Variants in HFE observed in about 807,000 individuals in gnomAD.
HFE encodes hereditary hemochromatosis protein.
HFE carries 36 observed loss-of-function variants against 40.9 expected under a neutral mutation model. The observed-to-expected ratio is 0.88, with a 90% CI of 0.67 to 1.16. The LOEUF is 1.16. HFE is among the 50% of genes most tolerant of loss of function. The pLI is 0.00. For missense variants in HFE, 376 were observed against 432.0 expected, an observed-to-expected ratio of 0.87 and a Z score of 1.15; for synonymous variants, 157 against 165.4, an observed-to-expected ratio of 0.95 and a Z score of 0.39.
Position 26,096,495 on chromosome 6 carries a change from A to C in HFE, c.*2269A>C, listed in dbSNP as rs1244292376. The C allele has an allele frequency of 4.4e-6, 2 of 456,512 alleles. No homozygotes were observed. The highest frequency in any genetic ancestry group is 3.1e-5 in the South Asian group (2 of 64,562). The allele number at this position is 456,512 out of a possible 1,614,324, so 28.3% of individuals were successfully genotyped here. A position where few individuals can be genotyped will look rare whatever the true frequency, so the allele number is the denominator to read the frequency against. ...GTGTTTACTTTATGTTACTACATGC[A>C]CTTGGCTGCATAAATGTGGTACAAG... On this transcript the variant is annotated 3_prime_UTR_variant, in exon 6 of 6. Coordinates refer to ENST00000357618, the MANE Select transcript of HFE (RefSeq NM_000410.4).
intron 5 of HFE, among the ~76,000 whole-genome samples, chr6:26,093,563 C>G (rs959526897): frequency 6.6e-6 from 1 of 151,984 alleles, no homozygotes; most frequent in Non-Finnish European, 1.5e-5. Context: ...AAAGAAGACC[C>G]CATGAGGTCC....
At chr6:26,089,763 C>CA (rs1304050613) in intron 1 of HFE, among the ~76,000 whole-genome samples, 3 of 151,920 alleles carry the variant, frequency 2.0e-5, no homozygotes, top group African/African-American at 7.3e-5. Context: ...CCCTTCTCTA[C>CA]AAAAAATACA....
At position 26,096,591 on chromosome 6, in the gene HFE, A is replaced by G. The variant is rs1222111005; in HGVS notation, c.*2365A>G. On this transcript the variant is annotated 3_prime_UTR_variant, in exon 6 of 6. Transcript: ENST00000357618. ...CAGAAGTTTCTTCTTTAGGCATTAA[A>G]TTTTAGCAAAGATATCTCATCTCTT... is the stretch of plus-strand genomic sequence containing the variant. 4 of 456,116 alleles carry G rather than the reference A, an allele frequency of 8.8e-6. No homozygotes were observed. In the East Asian group the frequency reaches 2.8e-4, roughly 32 times the overall value. 28.3% of individuals were successfully genotyped at this position (456,116 alleles called of 1,614,324 possible).
At chr6:26,092,353 A>T (rs1337307974) in intron 3 of HFE, among the ~76,000 whole-genome samples, 1 of 152,100 alleles carries the variant, frequency 6.6e-6, no homozygotes, top group Non-Finnish European at 1.5e-5. Context: ...GCTTCTTATA[A>T]CAATGCCTCC....
At chr6:26,093,384 G>T in intron 5 of HFE, 152 bp downstream of exon 5, 1 of 673,384 alleles carries the variant, frequency 1.5e-6, no homozygotes, top group Admixed American at 2.4e-5. Context: ...GAAAATAATG[G>T]TTCTCCCCAG....
At position 26,096,667 on chromosome 6, in the gene HFE, G is replaced by C; in HGVS notation, c.*2441G>C. 1 of 439,482 alleles carries C rather than the reference G, an allele frequency of 2.3e-6. No homozygotes were observed. The highest frequency in any genetic ancestry group is 4.5e-6 in the Non-Finnish European group (1 of 222,458). 27.2% of individuals were successfully genotyped at this position (439,482 alleles called of 1,614,324 possible). ...GGTTAGAAAAGTTATGTAGAAAAAA[G>C]TAAATGTGATTTACGCTCATTGTAG... On this transcript the variant is annotated 3_prime_UTR_variant, in exon 6 of 6. Transcript: ENST00000357618.
At position 26,090,827 on chromosome 6, in the gene HFE, TG is replaced by T; in HGVS notation, c.77-13del. 1.9e-6 allele frequency: 3 copies of T among 1,613,146 alleles called. No homozygotes were observed. The highest frequency in any genetic ancestry group is 2.5e-6 in the Non-Finnish European group (3 of 1,179,954). On this transcript the variant is annotated splice_polypyrimidine_tract_variant and intron_variant, in intron 1 of 5. Coordinates refer to ENST00000357618, the MANE Select transcript of HFE (RefSeq NM_000410.4). ...CCTACTACACATGGTTAAGGCCTGT[TG>T]CTCTGTCTCCAGGTTCACACTCTCT...
Position 26,092,778 on chromosome 6 carries a change from T to A in HFE, c.710T>A (p.Met237Lys), listed in dbSNP as rs1315737398. ...AACTACTACCCCCAGAACATCACCATGAAGTGGCTGAAGGATAAGCAGCCA... is the reference window on the plus strand; with the variant it reads ...AACTACTACCCCCAGAACATCACCAAGAAGTGGCTGAAGGATAAGCAGCCA... ...ALNYYPQNITMKWLKDKQPMD... is the reference protein window; with the variant it reads ...ALNYYPQNITKKWLKDKQPMD... Residue 237 changes from methionine (M) to lysine (K), a missense_variant, in exon 4 of 6, where the codon ATG becomes AAG. By Grantham distance (95) the Met-to-Lys change is moderately conservative (BLOSUM62 -1). Transcript: ENST00000357618. 1.2e-6 allele frequency: 2 copies of A among 1,614,174 alleles called. No homozygotes were observed. The highest frequency in any genetic ancestry group is 1.7e-6 in the Non-Finnish European group (2 of 1,180,028).
intron 1 of HFE, among the ~76,000 whole-genome samples, chr6:26,090,030 G>C (rs886153681): frequency 2.6e-5 from 4 of 152,102 alleles, no homozygotes; most frequent in Non-Finnish European, 4.4e-5. Flanking sequence ...TTTCTGAGAT[G>C]GTGAAGGCAG....
chr6:26,089,197 G>C (rs963071625), intron 1 of HFE, among the ~76,000 whole-genome samples: 3 of 151,920 alleles, frequency 2.0e-5, no homozygotes, highest in African/African-American at 7.3e-5. Context: ...TACTCACTAG[G>C]TGCTAGGAGC....
intron 5 of HFE, 133 bp downstream of exon 5, chr6:26,093,365 T>A (rs1193724881): frequency 1.4e-6 from 1 of 699,722 alleles, no homozygotes; most frequent in Non-Finnish European, 2.6e-6. Flanking sequence ...AGCAGCTCCC[T>A]GGGAGACAGA....
Position 26,092,703 on chromosome 6 carries a change from T to TTGG in HFE, c.635_636insTGG (p.Val212_Thr213insGly). 1.9e-6 allele frequency: 3 copies of TTGG among 1,614,142 alleles called. No homozygotes were observed. The highest frequency in any genetic ancestry group is 2.5e-6 in the Non-Finnish European group (3 of 1,179,974). ...TGTCAAGTGCCTCCTTTGGTGAAGGTGACACATCATGTGACCTCTTCAGTG... is the reference window on the plus strand; with the variant it reads ...TGTCAAGTGCCTCCTTTGGTGAAGGTTGGGACACATCATGTGACCTCTTCAGTG... On this transcript the variant is annotated inframe_insertion, in exon 4 of 6. Transcript: ENST00000357618.
At chr6:26,088,386 T>C (rs1762433740) in intron 1 of HFE, among the ~76,000 whole-genome samples, 1 of 152,234 alleles carries the variant, frequency 6.6e-6, no homozygotes, top group Non-Finnish European at 1.5e-5. Context: ...ACGTTTATTT[T>C]ACTAGAAGTT....
Position 26,094,251 on chromosome 6 carries a change from GGAA to G in HFE, c.*27_*29del. The G allele has an allele frequency of 1.2e-6, 2 of 1,611,724 alleles. No homozygotes were observed. The highest frequency in any genetic ancestry group is 1.7e-6 in the Non-Finnish European group (2 of 1,177,926). ...ACACGCAGCCTGCAGACTCACTGTG[GGAA>G]GGAGACAAAACTAGAGACTCAAAGA... On this transcript the variant is annotated 3_prime_UTR_variant, in exon 6 of 6. Coordinates refer to ENST00000357618, the MANE Select transcript of HFE (RefSeq NM_000410.4).
chr6:26,095,820 G>T lies in HFE; in HGVS notation c.*1594G>T, dbSNP rs895814871. On this transcript the variant is annotated 3_prime_UTR_variant, in exon 6 of 6. Transcript: ENST00000357618. ...TGGAATGTGACTCCCTTGCTCCTCTGTTGCTCTCTTTGGCATTCATTTCTT... is the reference window on the plus strand; with the variant it reads ...TGGAATGTGACTCCCTTGCTCCTCTTTTGCTCTCTTTGGCATTCATTTCTT... 2 of 152,300 alleles carry T rather than the reference G, an allele frequency of 1.3e-5. No homozygotes were observed. The highest frequency in any genetic ancestry group is 4.8e-5 in the African/African-American group (2 of 41,454). The allele number at this position is 152,300 out of a possible 1,614,324, so 9.4% of individuals were successfully genotyped here.
chr6:26,093,059 T>C, intron 4 of HFE, 60 bp from the exon 5 acceptor site: 2 of 1,613,726 alleles, frequency 1.2e-6, no homozygotes, highest in Non-Finnish European at 1.7e-6. Flanking sequence ...GATCTGCTCT[T>C]TGTTAGGGGG....
rs1198937470 is a variant in HFE at position 26,096,513 on chromosome 6, G to A, written c.*2287G>A. 2.2e-6 allele frequency: 1 copy of A among 456,464 alleles called. No individual in the cohort carries two copies. The highest frequency in any genetic ancestry group is 6.9e-5 in the East Asian group (1 of 14,394). The allele number at this position is 456,464 out of a possible 1,614,324, so 28.3% of individuals were successfully genotyped here. On this transcript the variant is annotated 3_prime_UTR_variant, in exon 6 of 6. Coordinates refer to ENST00000357618, the MANE Select transcript of HFE (RefSeq NM_000410.4). ...TACATGCACTTGGCTGCATAAATGTGGTACAAGCATTCTGTCTTGAAGGGC... is the reference window on the plus strand; with the variant it reads ...TACATGCACTTGGCTGCATAAATGTAGTACAAGCATTCTGTCTTGAAGGGC...
In HFE at chr6:26,087,844, G is replaced by A. The variant is rs145152533; in HGVS notation, c.76+328G>A. On this transcript the variant is annotated intron_variant, in intron 1 of 5. Coordinates refer to ENST00000357618, the MANE Select transcript of HFE (RefSeq NM_000410.4). ...CCTCACTTGAGCTGAGCTAAGCCTG[G>A]GGCTCCTTGAACCTGGAACTCGGGT... Among the ~76,000 whole-genome samples, 143 of 152,232 alleles carry A rather than the reference G, an allele frequency of 9.4e-4. 3 individuals are homozygous for A. In the South Asian group the frequency reaches 0.022, roughly 23 times the overall value.
rs1216587408 is a variant in HFE at position 26,096,836 on chromosome 6, A to C, written c.*2610A>C. The C allele has an allele frequency of 7.0e-6, 2 of 283,900 alleles. No homozygotes were observed. Among genetic ancestry groups the C allele is most frequent in the East Asian group, 2.0e-4 (2 of 9,912 alleles). 17.6% of individuals were successfully genotyped at this position (283,900 alleles called of 1,614,324 possible). On this transcript the variant is annotated 3_prime_UTR_variant, in exon 6 of 6. Coordinates refer to ENST00000357618, the MANE Select transcript of HFE (RefSeq NM_000410.4). ...AAATGTATATTGTATTGTATACTGC[A>C]TGATTTTATTGAAGTTCTTGTTCAT...
Sources: allele counts gnomAD v4.1 joint callset (sites outside exome capture counted in the v4.1 genomes callset), GRCh38; gene constraint gnomAD v4.1.1; transcripts MANE v1.5; gene names NCBI Gene and HGNC (gene_info 2026-07-23, HGNC 2026-07-21).